GRIA1: variants seen among roughly 807,000 people sequenced by gnomAD.
GRIA1 encodes glutamate receptor 1.
A neutral mutation model predicts 99.2 loss-of-function variants in GRIA1; 31 were observed. The ratio of observed to expected loss-of-function variants is 0.31; its 90% CI spans 0.23 to 0.42. The LOEUF (loss-of-function observed/expected upper bound fraction) is 0.42. GRIA1 is among the 10% of genes least tolerant of loss of function. The pLI, the probability that GRIA1 is intolerant of heterozygous loss-of-function variation, is 1.00. For synonymous variants in GRIA1, 438 were observed against 432.4 expected (o/e 1.01, Z -0.16); for missense variants, 782 against 1,157.5 (o/e 0.68, Z 4.71).
At chr5:153,678,224 C>G (rs1468741979) in intron 7 of GRIA1, among the ~76,000 whole-genome samples, 1 of 152,188 alleles carries the variant, frequency 6.6e-6, no homozygotes, top group Admixed American at 6.5e-5. Context: ...GAGAAATGTA[C>G]AGCAAAATGT....
chr5:153,674,398 T>C, intron 5 of GRIA1, 102 bp from the exon 6 acceptor site: 2 of 1,283,874 alleles, frequency 1.6e-6, no homozygotes, highest in South Asian at 2.6e-5. Context: ...TGAGTAGGTT[T>C]CATCTGGTGG....
intron 13 of GRIA1, among the ~76,000 whole-genome samples, chr5:153,782,612 C>T (rs968741405): frequency 8.6e-5 from 13 of 151,840 alleles, no homozygotes; most frequent in Admixed American, 7.9e-4. Context: ...ACTGGAAGTA[C>T]CATAAAAATA....
chr5:153,494,326 T>C, intron 2 of GRIA1: 1 of 441,996 alleles, frequency 2.3e-6, no homozygotes, highest in Non-Finnish European at 4.1e-6. Flanking sequence ...TTGGGTTGAC[T>C]GCATCTTCCC....
intron 2 of GRIA1, among the ~76,000 whole-genome samples, chr5:153,641,558 C>T (rs192466792): frequency 6.6e-5 from 10 of 152,280 alleles, no homozygotes; most frequent in East Asian, 3.9e-4. Flanking sequence ...TTGTTGGACA[C>T]GCTCTGCTAC....
At chr5:153,679,067 G>A (rs1206206590) in intron 7 of GRIA1, among the ~76,000 whole-genome samples, 1 of 152,184 alleles carries the variant, frequency 6.6e-6, no homozygotes, top group Admixed American at 6.5e-5. Context: ...AAAGGAAGCA[G>A]TTTCCATAGT....
intron 3 of GRIA1, among the ~76,000 whole-genome samples, chr5:153,649,440 T>TTTATTTATTTATTTAG (rs1554108110): frequency 2.0e-5 from 3 of 146,798 alleles, no homozygotes; most frequent in Non-Finnish European, 3.1e-5. Flanking sequence ...TATTTATTTA[T>TTTATTTATTTATTTAG]TTAGTTAGTT....
At chr5:153,601,775 G>C (rs370737053) in intron 2 of GRIA1, among the ~76,000 whole-genome samples, 3 of 152,196 alleles carry the variant, frequency 2.0e-5, no homozygotes, top group East Asian at 1.9e-4. Context: ...GAATTGTAAG[G>C]GACCTTAGAG....
chr5:153,502,751 C>A (rs1393595579), intron 2 of GRIA1, among the ~76,000 whole-genome samples: 1 of 152,158 alleles, frequency 6.6e-6, no homozygotes, highest in Non-Finnish European at 1.5e-5. Context: ...GAAATTGATA[C>A]CCTATGGTTA....
chr5:153,792,776 G>C (rs1765381115), intron 13 of GRIA1, among the ~76,000 whole-genome samples: 2 of 151,968 alleles, frequency 1.3e-5, no homozygotes, highest in African/African-American at 4.8e-5. Context: ...GAGAGAAGAA[G>C]AAACAGAGAG....
Position 153,770,321 on chromosome 5 carries a change from A to C in GRIA1, c.2176A>C (p.Ile726Leu), listed in dbSNP as rs1763792046. 3.7e-6 allele frequency: 6 copies of C among 1,613,938 alleles called. No individual in the cohort carries two copies. Among genetic ancestry groups the C allele is most frequent in the Non-Finnish European group, 5.1e-6 (6 of 1,179,952 alleles). ...CCTGGAGTCCACCATGAATGAGTAC[A>C]TTGAGCAGCGGAAACCCTGTGACAC... ...YLLESTMNEY[I>L]EQRKPCDTMK... Residue 726 changes from isoleucine (I) to leucine (L), a missense_variant, in exon 13 of 16, where the codon ATT becomes CTT. Transcript: ENST00000285900.
chr5:153,555,040 A>G (rs1399165867), intron 2 of GRIA1, among the ~76,000 whole-genome samples: 4 of 152,122 alleles, frequency 2.6e-5, no homozygotes, highest in Non-Finnish European at 5.9e-5. Context: ...CTACCAGGAC[A>G]TGCAGCTTGG....
chr5:153,586,643 G>A (rs1024021787), intron 2 of GRIA1, among the ~76,000 whole-genome samples: 5 of 152,140 alleles, frequency 3.3e-5, no homozygotes, highest in African/African-American at 4.8e-5. Context: ...CAGAGACCTC[G>A]GTGAGTGAGA....
intron 13 of GRIA1, among the ~76,000 whole-genome samples, chr5:153,771,301 G>C (rs1240276901): frequency 7.2e-5 from 11 of 152,170 alleles, no homozygotes; most frequent in African/African-American, 2.7e-4. Flanking sequence ...TAAATCATTT[G>C]GGGGAAGAGT....
intron 5 of GRIA1, among the ~76,000 whole-genome samples, chr5:153,664,816 A>C (rs1418949715): frequency 6.6e-6 from 1 of 152,124 alleles, no homozygotes; most frequent in Non-Finnish European, 1.5e-5. Flanking sequence ...TTGGACTTTC[A>C]TTCTTCTTTT....
intron 13 of GRIA1, among the ~76,000 whole-genome samples, chr5:153,771,891 G>T (rs1427624606): frequency 6.6e-6 from 1 of 152,048 alleles, no homozygotes; most frequent in Non-Finnish European, 1.5e-5. Flanking sequence ...AACATCAGAG[G>T]TGGGGGAGGG....
In GRIA1 at chr5:153,738,871, C is replaced by T. The variant is rs187303385; in HGVS notation, c.1824-25563C>T. Among the ~76,000 whole-genome samples, 1,294 of 151,894 alleles carry T rather than the reference C, an allele frequency of 8.5e-3. 7 individuals carry two copies. Among genetic ancestry groups the T allele is most frequent in the South Asian group, 0.014 (66 of 4,790 alleles). On this transcript the variant is annotated intron_variant, in intron 11 of 15. Coordinates refer to ENST00000285900, the MANE Select transcript of GRIA1 (RefSeq NM_000827.4). ...CCAAGTAGCTGGGATTACAGGCATGCACCACCACGTCCGGCTAATTTTGTA... is the reference window on the plus strand; with the variant it reads ...CCAAGTAGCTGGGATTACAGGCATGTACCACCACGTCCGGCTAATTTTGTA...
intron 7 of GRIA1, among the ~76,000 whole-genome samples, chr5:153,682,684 C>T (rs1316275100): frequency 6.6e-6 from 1 of 152,180 alleles, no homozygotes; most frequent in African/African-American, 2.4e-5. Context: ...CACCCTGCTC[C>T]TTGGCTATAT....
intron 10 of GRIA1, among the ~76,000 whole-genome samples, chr5:153,704,209 G>C (rs1055288458): frequency 6.6e-5 from 10 of 152,238 alleles, no homozygotes; most frequent in Non-Finnish European, 1.0e-4. Flanking sequence ...CCAACTGGTG[G>C]GTGGTCAGCA....
At chr5:153,542,894 A>G (rs1298088210) in intron 2 of GRIA1, among the ~76,000 whole-genome samples, 2 of 152,208 alleles carry the variant, frequency 1.3e-5, no homozygotes. Context: ...TTATGTGAGT[A>G]AAGTATAGTG....
Sources: allele counts gnomAD v4.1 joint callset (sites outside exome capture counted in the v4.1 genomes callset), GRCh38; gene constraint gnomAD v4.1.1; transcripts MANE v1.5; gene names NCBI Gene and HGNC (gene_info 2026-07-23, HGNC 2026-07-21).